The following DDHD1 variants were observed in gnomAD, a reference collection of about 807,000 sequenced individuals.
DDHD1 encodes DDHD domain containing 1, also known as phospholipase DDHD1.
A neutral mutation model predicts 96.4 loss-of-function variants in DDHD1; 49 were observed. The observed-to-expected ratio is 0.51, with a 90% CI of 0.40 to 0.64. DDHD1 has a LOEUF of 0.64. DDHD1 is among the 30% of genes least tolerant of loss of function. DDHD1 has a pLI of 0.00. For synonymous variants in DDHD1, 442 were observed against 446.5 expected, an observed-to-expected ratio of 0.99 and a Z score of 0.13; for missense variants, 1,106 against 1,161.2, an observed-to-expected ratio of 0.95 and a Z score of 0.69.
chr14:53,060,106 C>G (rs1477020049), intron 8 of DDHD1, among the ~76,000 whole-genome samples: 2 of 151,976 alleles, frequency 1.3e-5, no homozygotes, highest in Non-Finnish European at 2.9e-5. Flanking sequence ...ACATCTTAAC[C>G]TGTGTGTTAA....
At chr14:53,077,931 C>T (rs10147715) in intron 4 of DDHD1, among the ~76,000 whole-genome samples, 5,107 of 152,140 alleles carry the variant, frequency 0.034, 295 homozygotes, top group African/African-American at 0.11. Flanking sequence ...GTTTTCAAGT[C>T]TCATCCATGT....
intron 4 of DDHD1, among the ~76,000 whole-genome samples, chr14:53,085,895 A>C (rs1885906109): frequency 6.6e-6 from 1 of 152,180 alleles, no homozygotes; most frequent in South Asian, 2.1e-4. Flanking sequence ...GGAAGCTAAA[A>C]ACCTTGAAAA....
intron 4 of DDHD1, among the ~76,000 whole-genome samples, chr14:53,075,216 C>T (rs962610519): frequency 1.3e-5 from 2 of 152,056 alleles, no homozygotes; most frequent in Non-Finnish European, 2.9e-5. Flanking sequence ...GCCAAGCATG[C>T]CAAAAGCTGG....
chr14:53,099,948 T>G (rs533192806), intron 2 of DDHD1, among the ~76,000 whole-genome samples: 26 of 152,258 alleles, frequency 1.7e-4, no homozygotes, highest in African/African-American at 6.3e-4. Context: ...TTTTTTTAAT[T>G]CAATGCTCAT....
intron 1 of DDHD1, among the ~76,000 whole-genome samples, chr14:53,142,452 C>T (rs556866887): frequency 1.3e-4 from 18 of 142,338 alleles, no homozygotes; most frequent in East Asian, 6.0e-4. Flanking sequence ...TTTTTCTTGC[C>T]GGCATGGCAA....
chr14:53,142,577 G>T (rs892411739), intron 1 of DDHD1, among the ~76,000 whole-genome samples: 1 of 152,152 alleles, frequency 6.6e-6, no homozygotes, highest in Admixed American at 6.5e-5. Context: ...TGGGAGAGTC[G>T]TCTAAATGAG....
intron 2 of DDHD1, among the ~76,000 whole-genome samples, chr14:53,094,863 G>C (rs1271747857): frequency 2.0e-5 from 3 of 148,958 alleles, no homozygotes; most frequent in African/African-American, 7.4e-5. Flanking sequence ...AAAAAAATCA[G>C]TATGGTTGCT....
intron 4 of DDHD1, among the ~76,000 whole-genome samples, chr14:53,091,104 C>T (rs1224697117): frequency 6.6e-6 from 1 of 152,154 alleles, no homozygotes; most frequent in Non-Finnish European, 1.5e-5. Flanking sequence ...TTGGCATCAT[C>T]TATAACTGAT....
chr14:53,153,183 C>T lies in DDHD1; in HGVS notation c.-85G>A. The T allele has an allele frequency of 8.4e-7, 1 of 1,183,522 alleles. No individual in the cohort carries two copies. Among genetic ancestry groups the T allele is most frequent in the Non-Finnish European group, 1.1e-6 (1 of 910,792 alleles). The allele number at this position is 1,183,522 out of a possible 1,614,324, so 73.3% of individuals were successfully genotyped here. A position where few individuals can be genotyped will look rare whatever the true frequency, so the allele number is the denominator to read the frequency against. On this transcript the variant is annotated 5_prime_UTR_variant, in exon 1 of 13. Coordinates refer to ENST00000673822, the MANE Select transcript of DDHD1 (RefSeq NM_001160148.2). ...GCCACACATTCAACGCCGCCGCCCT[C>T]TCCACCCGAAGTTTCTAATCTTTCA...
At chr14:53,061,038 C>T in intron 8 of DDHD1, 88 bp downstream of exon 8, 1 of 1,168,778 alleles carries the variant, frequency 8.6e-7, no homozygotes. Context: ...GAACAATAAA[C>T]TTTCATTTGA....
At chr14:53,059,370 G>C in intron 8 of DDHD1, among the ~76,000 whole-genome samples, 1 of 151,848 alleles carries the variant, frequency 6.6e-6, no homozygotes. Flanking sequence ...TCAGCCTCCT[G>C]AGTAGCTGGA....
intron 1 of DDHD1, among the ~76,000 whole-genome samples, chr14:53,128,046 T>A (rs1456528348): frequency 6.6e-6 from 1 of 152,196 alleles, no homozygotes; most frequent in Admixed American, 6.5e-5. Context: ...CGAGATCTAA[T>A]GGTTTTATAA....
intron 1 of DDHD1, among the ~76,000 whole-genome samples, chr14:53,140,972 G>A (rs888520960): frequency 3.0e-4 from 46 of 152,156 alleles, no homozygotes; most frequent in African/African-American, 1.0e-3. Context: ...CAGAGATAAA[G>A]GGGGATATTT....
rs147133475 is a variant in DDHD1 at position 53,051,921 on chromosome 14, C to A, written c.2444G>T (p.Arg815Ile). 3.2e-4 allele frequency: 500 copies of A among 1,583,038 alleles called. 3 individuals are homozygous for A. In the African/African-American group the frequency reaches 6.1e-3, roughly 19 times the overall value. The change falls in exon 12 of 13, where the codon AGA (arginine) becomes ATA (isoleucine). Residue 815 changes from arginine (R) to isoleucine (I), a missense_variant. Arg to Ile is a moderately conservative substitution (Grantham distance 97, BLOSUM62 -3). This residue lies in a region of DDHD1 where 650 missense variants were observed against 758.8 expected (regional missense o/e 0.86). Coordinates refer to ENST00000673822, the MANE Select transcript of DDHD1 (RefSeq NM_001160148.2). ...GAGATTAAAGAACGATTCTTGAAGT[C>A]TGAAATCTGTGAAAAAAAAACACAA... Reference protein sequence around the residue: ...SSGFLDSAYFRLQESFFNLPQ... With the variant: ...SSGFLDSAYFILQESFFNLPQ...
intron 12 of DDHD1, among the ~76,000 whole-genome samples, chr14:53,049,657 CAAAAAAAAAAAAA>C (rs11323291): frequency 1.2e-5 from 1 of 84,720 alleles, no homozygotes; most frequent in Non-Finnish European, 2.3e-5. Context: ...TGAGCTAGGT[CAAAAAAAAAAAAA>C]AAAAAAAAAA....
chr14:53,086,127 G>C (rs1296878707), intron 4 of DDHD1, among the ~76,000 whole-genome samples: 1 of 152,152 alleles, frequency 6.6e-6, no homozygotes. Context: ...AACAAACAAA[G>C]CCTCCAAGAA....
chr14:53,072,648 G>C lies in DDHD1; in HGVS notation c.1452C>G (p.Asn484Lys). The change falls in exon 6 of 13, where the codon AAC becomes AAG. Residue 484 changes from asparagine to lysine, a missense_variant. Physicochemically the swap from Asn to Lys is moderately conservative, Grantham distance 94. Coordinates refer to ENST00000673822, the MANE Select transcript of DDHD1 (RefSeq NM_001160148.2). ...AATACATTATGTCCATTGCACTGCT[G>C]TTCAGCATATCCCTTAAACCTCGTA... is the stretch of plus-strand genomic sequence containing the variant. ...DKVRGLRDMLNSSAMDIMYYT... is the reference protein window; with the variant it reads ...DKVRGLRDMLKSSAMDIMYYT... 6.2e-7 allele frequency: 1 copy of C among 1,610,640 alleles called. No homozygotes were observed. The highest frequency in any genetic ancestry group is 8.5e-7 in the Non-Finnish European group (1 of 1,177,702).
intron 6 of DDHD1, among the ~76,000 whole-genome samples, chr14:53,065,849 G>C (rs1426585853): frequency 6.6e-6 from 1 of 152,100 alleles, no homozygotes; most frequent in African/African-American, 2.4e-5. Context: ...GTTCATTACA[G>C]TCAACAAACA....
intron 4 of DDHD1, among the ~76,000 whole-genome samples, chr14:53,091,234 C>A (rs926822657): frequency 6.6e-6 from 1 of 152,140 alleles, no homozygotes; most frequent in Non-Finnish European, 1.5e-5. Flanking sequence ...ATCACATATA[C>A]CCCTAAGACA....
Sources: allele counts gnomAD v4.1 joint callset (sites outside exome capture counted in the v4.1 genomes callset), GRCh38; gene constraint gnomAD v4.1.1; regional missense constraint gnomAD v4.1.1; transcripts MANE v1.5; gene names NCBI Gene and HGNC (gene_info 2026-07-23, HGNC 2026-07-21).